Variants in TMEM132D observed in about 807,000 individuals in gnomAD.
TMEM132D encodes transmembrane protein 132D.
TMEM132D carries 21 observed loss-of-function variants against 62.3 expected under a neutral mutation model. The observed-to-expected ratio is 0.34, with a 90% CI of 0.24 to 0.49. The LOEUF is 0.49. TMEM132D is among the 20% of genes least tolerant of loss of function. The pLI is 0.99. For missense variants in TMEM132D, 1,346 were observed against 1,402.8 expected, an observed-to-expected ratio of 0.96 and a Z score of 0.65; for synonymous variants, 621 against 575.6, an observed-to-expected ratio of 1.08 and a Z score of -1.13.
chr12:129,188,905 G>T (rs1878303791), intron 5 of TMEM132D, among the ~76,000 whole-genome samples: 2 of 152,170 alleles, frequency 1.3e-5, no homozygotes, highest in South Asian at 4.1e-4. Flanking sequence ...GTAGCAGAGA[G>T]TGTAAGGTTC....
At chr12:129,257,064 A>T (rs1327433638) in intron 4 of TMEM132D, among the ~76,000 whole-genome samples, 2 of 152,146 alleles carry the variant, frequency 1.3e-5, no homozygotes, top group Non-Finnish European at 2.9e-5. Context: ...CACACACAAC[A>T]TATCATGGGT....
chr12:129,226,761 C>G lies in TMEM132D; in HGVS notation c.1300-17098G>C, dbSNP rs1361778969. Among the ~76,000 whole-genome samples the G allele has an allele frequency of 3.9e-5, 6 of 152,268 alleles. No homozygotes were observed. The East Asian group carries it at 1.2e-3, about 29-fold the overall frequency. On this transcript the variant is annotated intron_variant, in intron 4 of 8. Transcript: ENST00000422113. The stretch of plus-strand genomic sequence containing the variant: ...TGAACAAACACATTTGCAGGGTGCA[C>G]TGGCCTAAGGGCTCCCCTTTGTGAC...
At chr12:129,665,636 G>T (rs564532390) in intron 2 of TMEM132D, among the ~76,000 whole-genome samples, 1 of 151,962 alleles carries the variant, frequency 6.6e-6, no homozygotes, top group Non-Finnish European at 1.5e-5. Flanking sequence ...TTTCATAAGG[G>T]TTTCTAGACT....
intron 1 of TMEM132D, among the ~76,000 whole-genome samples, chr12:129,766,999 C>G (rs4760007): frequency 0.95 from 144,127 of 152,256 alleles, 68,499 homozygotes; most frequent in Non-Finnish European, 1. Flanking sequence ...TATGACTGCA[C>G]AGCCGCCCCT....
At chr12:129,228,178 C>T (rs894719201) in intron 4 of TMEM132D, among the ~76,000 whole-genome samples, 1 of 152,056 alleles carries the variant, frequency 6.6e-6, no homozygotes, top group Non-Finnish European at 1.5e-5. Context: ...TGTTAGAAAC[C>T]GCAGTTTAAC....
At chr12:129,239,380 T>C (rs906293011) in intron 4 of TMEM132D, among the ~76,000 whole-genome samples, 1 of 152,202 alleles carries the variant, frequency 6.6e-6, no homozygotes, top group Non-Finnish European at 1.5e-5. Flanking sequence ...TTGCGTTAAA[T>C]TTGTAGATGG....
chr12:129,715,118 A>G (rs977186524), intron 1 of TMEM132D, among the ~76,000 whole-genome samples: 3 of 152,222 alleles, frequency 2.0e-5, no homozygotes, highest in Non-Finnish European at 4.4e-5. Flanking sequence ...AAAGAAATCC[A>G]CAAAACAACT....
At chr12:129,883,984 C>T (rs1265539684) in intron 1 of TMEM132D, among the ~76,000 whole-genome samples, 3 of 152,142 alleles carry the variant, frequency 2.0e-5, no homozygotes, top group Admixed American at 2.0e-4. Context: ...CATGCAGGAG[C>T]ACAGTGGCTC....
At chr12:129,092,626 CG>C (rs1874964752) in intron 5 of TMEM132D, among the ~76,000 whole-genome samples, 1 of 151,878 alleles carries the variant, frequency 6.6e-6, no homozygotes, top group Non-Finnish European at 1.5e-5. Flanking sequence ...ACTCAGGAGG[CG>C]GAGGTTGCAG....
chr12:129,369,620 A>T (rs767609668), intron 3 of TMEM132D, among the ~76,000 whole-genome samples: 3 of 152,220 alleles, frequency 2.0e-5, no homozygotes, highest in Non-Finnish European at 2.9e-5. Context: ...CCACCTAGCC[A>T]TTGAGAGGCT....
At chr12:129,166,337 GCTA>G (rs1358601092) in intron 5 of TMEM132D, among the ~76,000 whole-genome samples, 1 of 152,128 alleles carries the variant, frequency 6.6e-6, no homozygotes, top group East Asian at 1.9e-4. Flanking sequence ...TTCGTCTCCG[GCTA>G]CTGTTTGACA....
intron 3 of TMEM132D, among the ~76,000 whole-genome samples, chr12:129,443,628 C>T (rs1332856906): frequency 1.3e-5 from 2 of 151,800 alleles, no homozygotes; most frequent in Non-Finnish European, 2.9e-5. Flanking sequence ...TTTCACCCCT[C>T]ACTCATCTCT....
chr12:129,380,085 C>T (rs11060294), intron 3 of TMEM132D, among the ~76,000 whole-genome samples: 11,245 of 152,126 alleles, frequency 0.074, 653 homozygotes, highest in South Asian at 0.22. Context: ...AATGACATAA[C>T]TTTTGTCTTA....
At chr12:129,673,074 A>G (rs781280341) in intron 2 of TMEM132D, among the ~76,000 whole-genome samples, 6 of 152,188 alleles carry the variant, frequency 3.9e-5, no homozygotes, top group Non-Finnish European at 8.8e-5. Flanking sequence ...AGTTTTGTTT[A>G]GATTCCTGTA....
intron 1 of TMEM132D, among the ~76,000 whole-genome samples, chr12:129,808,931 GATAGA>G (rs1470809844): frequency 5.3e-5 from 8 of 152,124 alleles, no homozygotes. Flanking sequence ...GTAAAACTAG[GATAGA>G]ATAAACTTTT....
At chr12:129,484,414 T>G (rs1390827345) in intron 3 of TMEM132D, among the ~76,000 whole-genome samples, 7 of 152,248 alleles carry the variant, frequency 4.6e-5, no homozygotes, top group Admixed American at 4.6e-4. Context: ...TAATTAAATG[T>G]CTGCTCCCTT....
At chr12:129,414,581 G>A (rs138201733) in intron 3 of TMEM132D, among the ~76,000 whole-genome samples, 3 of 152,310 alleles carry the variant, frequency 2.0e-5, no homozygotes, top group African/African-American at 2.4e-5. Context: ...CACATATGTT[G>A]TGAAATGATG....
At chr12:129,704,935 G>A (rs1257235894) in intron 1 of TMEM132D, among the ~76,000 whole-genome samples, 2 of 152,180 alleles carry the variant, frequency 1.3e-5, no homozygotes, top group Non-Finnish European at 2.9e-5. Context: ...AGCCTTTGTT[G>A]TTTTGTAAGG....
chr12:129,222,759 G>A (rs2135574337), intron 4 of TMEM132D, among the ~76,000 whole-genome samples: 1 of 152,250 alleles, frequency 6.6e-6, no homozygotes, highest in South Asian at 2.1e-4. Flanking sequence ...TGAGGTGTTG[G>A]GGGAAATGGG....
Sources: allele counts gnomAD v4.1 joint callset (sites outside exome capture counted in the v4.1 genomes callset), GRCh38; gene constraint gnomAD v4.1.1; transcripts MANE v1.5; gene names NCBI Gene and HGNC (gene_info 2026-07-23, HGNC 2026-07-21).